The following ASH1L variants were observed in gnomAD, a reference collection of about 807,000 sequenced individuals.
ASH1L encodes the protein ASH1 like histone lysine methyltransferase.
A neutral mutation model predicts 269.0 loss-of-function variants in ASH1L; 23 were observed. The ratio of observed to expected loss-of-function variants is 0.09; its 90% CI spans 0.06 to 0.12. ASH1L has a LOEUF of 0.12. ASH1L is among the 10% of genes least tolerant of loss of function. The pLI, the probability that ASH1L is intolerant of heterozygous loss-of-function variation, is 1.00. For missense variants in ASH1L, 2,912 were observed against 3,567.8 expected, an observed-to-expected ratio of 0.82 and a Z score of 4.68; for synonymous variants, 1,187 against 1,253.5, an observed-to-expected ratio of 0.95 and a Z score of 1.12.
rs1432354760 is a variant in ASH1L, at chr1:155,478,810, G to T, written c.4060C>A (p.Pro1354Thr). 6.2e-7 allele frequency: 1 copy of T among 1,614,098 alleles called. No individual in the cohort carries two copies. The highest frequency in any genetic ancestry group is 8.5e-7 in the Non-Finnish European group (1 of 1,180,040). Reference sequence around the variant, plus strand: ...TCAGCCATTGCCTCCCTCATCTTAGGGGGTCTCCCTCTTTTCTTTTTTAAG... The same window carrying T: ...TCAGCCATTGCCTCCCTCATCTTAGTGGGTCTCCCTCTTTTCTTTTTTAAG... ...PDLKKKRGRPPKMREAMAEMP... is the reference protein window; with the variant it reads ...PDLKKKRGRPTKMREAMAEMP... The change falls in exon 3 of 28, where the codon CCT (proline) becomes ACT (threonine). Residue 1354 changes from proline (P) to threonine (T), a missense_variant. Transcript: ENST00000392403. This position sits in a 1 kb window ranked among gnomAD's most constrained non-coding sequence, Gnocchi z 4.6.
chr1:155,530,339 T>C (rs1340535140), intron 1 of ASH1L, among the ~76,000 whole-genome samples: 4 of 152,212 alleles, frequency 2.6e-5, no homozygotes, highest in South Asian at 2.1e-4. Flanking sequence ...TCCCAGCACG[T>C]AGAACACTAG....
At chr1:155,498,043 C>T (rs1667272986) in intron 2 of ASH1L, among the ~76,000 whole-genome samples, 2 of 152,138 alleles carry the variant, frequency 1.3e-5, no homozygotes, top group East Asian at 1.9e-4. Flanking sequence ...TGAGCCACCA[C>T]GCCCGGCCAA....
intron 2 of ASH1L, among the ~76,000 whole-genome samples, chr1:155,485,347 C>T (rs1388628752): frequency 3.3e-5 from 5 of 151,256 alleles, no homozygotes; most frequent in South Asian, 4.2e-4. Context: ...GAGATGGGGT[C>T]TTGCTCTGTC....
intron 10 of ASH1L, among the ~76,000 whole-genome samples, chr1:155,372,328 A>G (rs1656033425): frequency 6.9e-6 from 1 of 144,210 alleles, no homozygotes; most frequent in Non-Finnish European, 1.5e-5. Flanking sequence ...TATTTTTTTG[A>G]GGCAAAGTCT....
At position 155,438,479 on chromosome 1, in the gene ASH1L, T is replaced by A; in HGVS notation, c.5676A>T (p.Thr1892=). ...CAACAGCCTCAATTACATCTGTAAC[T>A]GTGTCAGGACTGAGGTGCAGTGCTG... ...EGAALHLSPD[T]VTDVIEAVVQ... Residue 1892 remains threonine, a synonymous_variant, in exon 5 of 28, where the codon ACA becomes ACT. Transcript: ENST00000392403. 1.9e-6 allele frequency: 3 copies of A among 1,613,938 alleles called. No homozygotes were observed. Among genetic ancestry groups the A allele is most frequent in the Non-Finnish European group, 2.5e-6 (3 of 1,179,962 alleles).
intron 4 of ASH1L, among the ~76,000 whole-genome samples, chr1:155,447,915 T>A (rs1663156840): frequency 6.6e-6 from 1 of 152,216 alleles, no homozygotes; most frequent in Admixed American, 6.5e-5. Flanking sequence ...CTGTGGGGTA[T>A]TGCTCATAAA....
intron 15 of ASH1L, among the ~76,000 whole-genome samples, chr1:155,355,298 G>A (rs1188016635): frequency 9.2e-5 from 14 of 152,190 alleles, no homozygotes; most frequent in Non-Finnish European, 8.8e-5. Context: ...TGATCCACCC[G>A]CCTTGGCCTC....
At chr1:155,498,267 T>C (rs768086674) in intron 2 of ASH1L, among the ~76,000 whole-genome samples, 9 of 151,698 alleles carry the variant, frequency 5.9e-5, no homozygotes, top group Non-Finnish European at 1.3e-4. Context: ...AGATACACAA[T>C]TTCAGTTGCA....
At chr1:155,391,475 C>T (rs1657922830) in intron 7 of ASH1L, among the ~76,000 whole-genome samples, 1 of 152,136 alleles carries the variant, frequency 6.6e-6, no homozygotes, top group Non-Finnish European at 1.5e-5. Flanking sequence ...ATAACAATGA[C>T]TTTAAAATCC....
intron 2 of ASH1L, among the ~76,000 whole-genome samples, chr1:155,513,438 T>A (rs2148823076): frequency 6.6e-6 from 1 of 151,606 alleles, no homozygotes; most frequent in Middle Eastern, 3.4e-3. Flanking sequence ...CAGGAGTGGT[T>A]GTGCATGCCT....
intron 2 of ASH1L, among the ~76,000 whole-genome samples, chr1:155,484,983 G>A (rs1666231273): frequency 6.7e-6 from 1 of 149,752 alleles, no homozygotes; most frequent in South Asian, 2.1e-4. Context: ...CAACCACCCG[G>A]TGCAGTGGCT....
chr1:155,340,143 A>T (rs78996633), intron 25 of ASH1L, among the ~76,000 whole-genome samples: 2 of 151,626 alleles, frequency 1.3e-5, no homozygotes, highest in East Asian at 3.9e-4. Context: ...AAAAAAAAAT[A>T]GGGAAAATAG....
upstream of ASH1L, chr1:155,563,078 T>C (rs1187076426): frequency 4.4e-6 from 2 of 456,908 alleles, no homozygotes; most frequent in South Asian, 1.5e-5. Flanking sequence ...CCTACCTCCC[T>C]GGGCTCCTCG....
chr1:155,397,174 G>T (rs1191203546), intron 6 of ASH1L, among the ~76,000 whole-genome samples: 1 of 150,224 alleles, frequency 6.7e-6, no homozygotes, highest in African/African-American at 2.4e-5. Context: ...GGCAATGCAT[G>T]ATCATGGATT....
intron 7 of ASH1L, among the ~76,000 whole-genome samples, chr1:155,394,839 T>G (rs1658217985): frequency 6.6e-6 from 1 of 152,230 alleles, no homozygotes; most frequent in Non-Finnish European, 1.5e-5. Flanking sequence ...AAATCATCTA[T>G]TTTTGAACGT....
intron 22 of ASH1L, 101 bp downstream of exon 22, chr1:155,344,082 C>T (rs1653029124): frequency 6.8e-6 from 7 of 1,027,868 alleles, no homozygotes; most frequent in South Asian, 3.0e-5. Flanking sequence ...TATTGCTATT[C>T]GAGGCCGTAT....
chr1:155,470,654 T>A (rs1245497478), intron 3 of ASH1L, among the ~76,000 whole-genome samples: 1 of 150,696 alleles, frequency 6.6e-6, no homozygotes, highest in Non-Finnish European at 1.5e-5. Flanking sequence ...TGGGTTCAAG[T>A]GATTCTTGTG....
intron 7 of ASH1L, among the ~76,000 whole-genome samples, chr1:155,394,781 T>C (rs1258659171): frequency 1.3e-5 from 2 of 152,130 alleles, no homozygotes; most frequent in African/African-American, 2.4e-5. Flanking sequence ...AGCAGATAAA[T>C]ACTCAGTAAA....
chr1:155,553,740 T>C (rs533783472), intron 1 of ASH1L, among the ~76,000 whole-genome samples: 2 of 152,090 alleles, frequency 1.3e-5, no homozygotes, highest in African/African-American at 2.4e-5. Flanking sequence ...TTTGTTAACA[T>C]AGGCAAATGT....
Sources: gnomAD v4.1 joint callset for allele counts (sites outside exome capture counted in the v4.1 genomes callset) on GRCh38, gnomAD v4.1.1 for gene constraint, Gnocchi (gnomAD v3.1) non-coding constraint, MANE v1.5 for transcripts, NCBI Gene and HGNC (gene_info 2026-07-23, HGNC 2026-07-21) for gene names.